Variants in LRRC4C observed in about 807,000 individuals in gnomAD.
LRRC4C encodes the protein leucine-rich repeat-containing protein 4C.
In LRRC4C, 5 loss-of-function variants were observed where a neutral mutation model predicts 33.6. The ratio of observed to expected loss-of-function variants is 0.15; its 90% CI spans 0.08 to 0.31. The LOEUF (loss-of-function observed/expected upper bound fraction) is 0.31. Ranked by LOEUF, LRRC4C falls within the 10% of genes least tolerant of loss-of-function variation. The pLI, the probability that LRRC4C is intolerant of heterozygous loss-of-function variation, is 1.00. For missense variants in LRRC4C, 560 were observed against 796.7 expected (o/e 0.70, Z 3.58); for synonymous variants, 329 against 302.0 (o/e 1.09, Z -0.93).
At chr11:41,032,280 T>C (rs1247268654) in intron 1 of LRRC4C, among the ~76,000 whole-genome samples, 1 of 152,078 alleles carries the variant, frequency 6.6e-6, no homozygotes, top group Non-Finnish European at 1.5e-5. Context: ...ATCTTTAGGT[T>C]GAGATCATAT....
intron 2 of LRRC4C, among the ~76,000 whole-genome samples, chr11:40,891,145 C>A (rs1955689221): frequency 6.6e-6 from 1 of 151,988 alleles, no homozygotes; most frequent in Non-Finnish European, 1.5e-5. Context: ...GTAGGAGAAA[C>A]ACTTGAACTT....
chr11:40,696,041 A>ATGTGTG lies in LRRC4C; in HGVS notation c.-406-47769_-406-47764dup, dbSNP rs567120072. 3.0e-3 allele frequency among the ~76,000 whole-genome samples: 428 copies of ATGTGTG among 143,978 alleles called. 3 individuals are homozygous for ATGTGTG. Among genetic ancestry groups the ATGTGTG allele is most frequent in the African/African-American group, 0.011 (414 of 37,788 alleles). The allele number at this position is 143,978 out of a possible 152,430, so 94.5% of individuals were successfully genotyped here. A position where few individuals can be genotyped will look rare whatever the true frequency, so the allele number is the denominator to read the frequency against. On this transcript the variant is annotated intron_variant, in intron 2 of 6. Coordinates refer to ENST00000528697, the MANE Select transcript of LRRC4C (RefSeq NM_001258419.2). ...ATGTGGTGTGTGTGTGTATATATAT[A>ATGTGTG]TGTGTGTGTGTGTGTGTGTATATAT...
chr11:40,766,067 A>G (rs531735373), intron 2 of LRRC4C, among the ~76,000 whole-genome samples: 1 of 136,256 alleles, frequency 7.3e-6, no homozygotes, highest in African/African-American at 2.8e-5. Context: ...TAAAGAAAAG[A>G]TCCTAAAAGC....
chr11:40,575,189 A>G (rs1326595792), intron 3 of LRRC4C, among the ~76,000 whole-genome samples: 1 of 152,188 alleles, frequency 6.6e-6, no homozygotes, highest in African/African-American at 2.4e-5. Context: ...TCATGAATGC[A>G]TGTGAGTGAG....
At chr11:40,252,894 A>G (rs190305087) in intron 4 of LRRC4C, among the ~76,000 whole-genome samples, 30 of 152,306 alleles carry the variant, frequency 2.0e-4, no homozygotes, top group African/African-American at 5.3e-4. Flanking sequence ...TTTCTTTCTG[A>G]AAAATAGGAG....
chr11:40,656,635 C>T (rs936774455), intron 2 of LRRC4C, among the ~76,000 whole-genome samples: 2 of 152,136 alleles, frequency 1.3e-5, no homozygotes, highest in Non-Finnish European at 2.9e-5. Flanking sequence ...CCTTCTGTTC[C>T]TTTCCAAGGC....
chr11:40,197,063 A>G (rs1590680600), intron 5 of LRRC4C, among the ~76,000 whole-genome samples: 1 of 152,322 alleles, frequency 6.6e-6, no homozygotes, highest in East Asian at 1.9e-4. Flanking sequence ...ATAACACACA[A>G]CAAAATAACT....
intron 3 of LRRC4C, among the ~76,000 whole-genome samples, chr11:40,408,308 T>C (rs1439504557): frequency 2.0e-5 from 3 of 152,070 alleles, no homozygotes; most frequent in Non-Finnish European, 4.4e-5. Context: ...GTATTATACA[T>C]TTAATTAAAT....
At chr11:40,631,661 T>C (rs140739230) in intron 3 of LRRC4C, among the ~76,000 whole-genome samples, 45 of 152,260 alleles carry the variant, frequency 3.0e-4, no homozygotes, top group African/African-American at 1.0e-3. Context: ...TGTTAAGCTA[T>C]ACTAACATAG....
At chr11:40,663,058 A>G (rs906732621) in intron 2 of LRRC4C, among the ~76,000 whole-genome samples, 2 of 152,134 alleles carry the variant, frequency 1.3e-5, no homozygotes, top group Non-Finnish European at 2.9e-5. Context: ...GGAATAAGTC[A>G]CTTGGATAAG....
intron 1 of LRRC4C, among the ~76,000 whole-genome samples, chr11:41,059,286 AC>A: frequency 6.6e-6 from 1 of 150,556 alleles, no homozygotes; most frequent in Admixed American, 6.6e-5. Context: ...AACAACAACA[AC>A]AACAAAAAAC....
intron 1 of LRRC4C, among the ~76,000 whole-genome samples, chr11:41,352,859 A>G (rs953729505): frequency 6.6e-6 from 1 of 152,130 alleles, no homozygotes; most frequent in Non-Finnish European, 1.5e-5. Flanking sequence ...AATCTCTGGG[A>G]CATAGACAAA....
intron 2 of LRRC4C, among the ~76,000 whole-genome samples, chr11:40,766,874 A>G (rs1007071106): frequency 6.6e-6 from 1 of 150,862 alleles, no homozygotes; most frequent in African/African-American, 2.4e-5. Context: ...AGGGGAGGGA[A>G]GGAGAAGGGG....
intron 2 of LRRC4C, among the ~76,000 whole-genome samples, chr11:40,762,948 C>G (rs893412621): frequency 6.6e-6 from 1 of 151,516 alleles, no homozygotes; most frequent in Non-Finnish European, 1.5e-5. Context: ...ATTATTCAAT[C>G]TCAAAAATTT....
intron 3 of LRRC4C, among the ~76,000 whole-genome samples, chr11:40,634,794 C>CG (rs533078101): frequency 1.3e-5 from 2 of 151,544 alleles, no homozygotes; most frequent in Non-Finnish European, 2.9e-5. Flanking sequence ...AGGCAGGTGG[C>CG]GGGGGGTGTT....
At chr11:40,801,002 A>G (rs961424211) in intron 2 of LRRC4C, among the ~76,000 whole-genome samples, 1 of 152,088 alleles carries the variant, frequency 6.6e-6, no homozygotes, top group Non-Finnish European at 1.5e-5. Flanking sequence ...CCTTCAACTT[A>G]GAGGGCTTGT....
At chr11:41,329,811 C>A (rs1340168424) in intron 1 of LRRC4C, among the ~76,000 whole-genome samples, 1 of 152,146 alleles carries the variant, frequency 6.6e-6, no homozygotes, top group Non-Finnish European at 1.5e-5. Context: ...ATGGGCAGGG[C>A]TGATAGAAGT....
chr11:40,454,993 C>G (rs138371501), intron 3 of LRRC4C, among the ~76,000 whole-genome samples: 25 of 152,130 alleles, frequency 1.6e-4, no homozygotes, highest in African/African-American at 5.8e-4. Flanking sequence ...GGGAGCAACA[C>G]GTCAGAAATA....
chr11:41,450,850 C>T (rs1423989317), intron 1 of LRRC4C, among the ~76,000 whole-genome samples: 2 of 152,086 alleles, frequency 1.3e-5, no homozygotes, highest in Non-Finnish European at 2.9e-5. Context: ...TCCTCGGAAA[C>T]ATTATCACTG....
Sources: gnomAD v4.1 joint callset for allele counts (sites outside exome capture counted in the v4.1 genomes callset) on GRCh38, gnomAD v4.1.1 for gene constraint, MANE v1.5 for transcripts, NCBI Gene and HGNC (gene_info 2026-07-23, HGNC 2026-07-21) for gene names.